The following SPTB variants were observed in gnomAD, a reference collection of about 807,000 sequenced individuals.
The protein encoded by SPTB is spectrin beta chain, erythrocytic.
Under a neutral mutation model 256.2 loss-of-function variants are expected in SPTB, and 45 were observed. That is an observed-to-expected ratio of 0.18 (90% confidence interval 0.14 to 0.23). The LOEUF (loss-of-function observed/expected upper bound fraction) is 0.23, where lower values mean the gene tolerates loss of function less well. SPTB is among the 10% of genes least tolerant of loss of function. The pLI is 1.00. For synonymous variants in SPTB, 1,231 were observed against 1,243.1 expected, an observed-to-expected ratio of 0.99 and a Z score of 0.21; for missense variants, 2,715 against 3,040.4, an observed-to-expected ratio of 0.89 and a Z score of 2.52.
At chr14:64,879,338 G>A (rs1262666232) in intron 1 of SPTB, among the ~76,000 whole-genome samples, 2 of 152,218 alleles carry the variant, frequency 1.3e-5, no homozygotes, top group African/African-American at 4.8e-5. Context: ...TTCCCCAGAA[G>A]AGGGATATGA....
chr14:64,761,416 G>T (rs2082092268), intron 32 of SPTB, among the ~76,000 whole-genome samples: 1 of 152,176 alleles, frequency 6.6e-6, no homozygotes, highest in African/African-American at 2.4e-5. Flanking sequence ...GGGAGCTGAG[G>T]CTGGGATACA....
At chr14:64,814,354 C>T (rs901639511) in intron 2 of SPTB, among the ~76,000 whole-genome samples, 1 of 152,162 alleles carries the variant, frequency 6.6e-6, no homozygotes, top group African/African-American at 2.4e-5. Context: ...AATATATACA[C>T]AGACCTATAC....
Position 64,794,575 on chromosome 14 carries a change from C to T in SPTB, c.1687G>A (p.Val563Ile). The stretch of plus-strand genomic sequence containing the variant: ...TTGTGCTTCTGTAGCAGGTCTTCAA[C>T]CTCCAACAAGTGCTTCCCAAACTCG... ...SAEFGKHLLEVEDLLQKHKLM... is the reference protein window; with the variant it reads ...SAEFGKHLLEIEDLLQKHKLM... The change falls in exon 13 of 36, where the codon GTT (valine) becomes ATT (isoleucine). Residue 563 changes from valine to isoleucine, a missense_variant. Val to Ile is a conservative substitution (Grantham distance 29). Transcript: ENST00000644917. 1 of 1,614,200 alleles carries T rather than the reference C, an allele frequency of 6.2e-7. No homozygotes were observed. The highest frequency in any genetic ancestry group is 8.5e-7 in the Non-Finnish European group (1 of 1,180,048).
chr14:64,859,714 CTCTCTCTATATA>C lies in SPTB; in HGVS notation c.-52+20066_-52+20077del, dbSNP rs749035840. 6.4e-3 allele frequency among the ~76,000 whole-genome samples: 374 copies of C among 58,716 alleles called. 3 individuals are homozygous for C. Among genetic ancestry groups the C allele is most frequent in the East Asian group, 7.6e-3 (27 of 3,564 alleles). 38.5% of individuals were successfully genotyped at this position (58,716 alleles called of 152,430 possible). On this transcript the variant is annotated intron_variant, in intron 1 of 35. Coordinates refer to ENST00000644917, the MANE Select transcript of SPTB (RefSeq NM_001355436.2). ...TCTCTGTCTCTCTCTCTCTCTCTCT[CTCTCTCTATATA>C]TATATATATATGCATATAATTAGTA...
chr14:64,753,411 T>C, intron 33 of SPTB, 126 bp downstream of exon 33: 2 of 1,453,524 alleles, frequency 1.4e-6, no homozygotes, highest in Non-Finnish European at 1.9e-6. Context: ...GTCTAGGAGC[T>C]CTCACAGGCC....
rs962122587 is a variant in SPTB at position 64,866,101 on chromosome 14, G to A, written c.-52+13691C>T. On this transcript the variant is annotated intron_variant, in intron 1 of 35. Coordinates refer to ENST00000644917, the MANE Select transcript of SPTB (RefSeq NM_001355436.2). The surrounding 1 kb of genome is among the most constrained non-coding windows in gnomAD (Gnocchi z 4.6). The stretch of plus-strand genomic sequence containing the variant: ...AGTAAAACATCTATGAAATGAATAA[G>A]ACTGTTCACTCAAAGAGCATGCAGT... Among the ~76,000 whole-genome samples the A allele has an allele frequency of 6.6e-6, 1 of 152,170 alleles. No individual in the cohort carries two copies. The highest frequency in any genetic ancestry group is 1.5e-5 in the Non-Finnish European group (1 of 68,030).
At chr14:64,774,249 C>T in intron 24 of SPTB, 148 bp downstream of exon 24, 1 of 1,094,520 alleles carries the variant, frequency 9.1e-7, no homozygotes, top group Non-Finnish European at 1.3e-6. Flanking sequence ...GAAATTGGAT[C>T]CATCACCAGT....
Position 64,779,361 on chromosome 14 carries a change from C to T in SPTB, c.4474-115G>A. On this transcript the variant is annotated intron_variant, in intron 21 of 35. Coordinates refer to ENST00000644917, the MANE Select transcript of SPTB (RefSeq NM_001355436.2). This position sits in a 1 kb window ranked among gnomAD's most constrained non-coding sequence, Gnocchi z 4.2. ...GCAGTGTCTCCCCAGTTCCTCCCAA[C>T]ACCCCATCAGGGTTTTGCCCCCATT... The T allele has an allele frequency of 1.2e-6, 1 of 867,476 alleles. No homozygotes were observed. The highest frequency in any genetic ancestry group is 1.4e-5 in the South Asian group (1 of 69,524). The allele number at this position is 867,476 out of a possible 1,614,324, so 53.7% of individuals were successfully genotyped here.
rs112999036 is a variant in SPTB, at chr14:64,808,004, C to T, written c.149-2914G>A. 3.0e-3 allele frequency among the ~76,000 whole-genome samples: 460 copies of T among 152,356 alleles called. 4 individuals are homozygous for T. The highest frequency in any genetic ancestry group is 0.011 in the African/African-American group (450 of 41,590). On this transcript the variant is annotated intron_variant, in intron 2 of 35. Coordinates refer to ENST00000644917, the MANE Select transcript of SPTB (RefSeq NM_001355436.2). ...CTCTGCTGCCATCAAACCCCGGCATCTCATTCCTCTCTGTTCCTCTTTTCT... is the reference window on the plus strand; with the variant it reads ...CTCTGCTGCCATCAAACCCCGGCATTTCATTCCTCTCTGTTCCTCTTTTCT...
At chr14:64,755,096 C>T (rs2082002330) in intron 32 of SPTB, 1 of 152,286 alleles carries the variant, frequency 6.6e-6, no homozygotes, top group Non-Finnish European at 1.5e-5. Context: ...TTTCTGCTCC[C>T]TCCTCCCTGC....
intron 32 of SPTB, chr14:64,766,430 T>G: frequency 3.6e-6 from 5 of 1,405,360 alleles, no homozygotes; most frequent in Non-Finnish European, 4.6e-6. Context: ...TGGTGATATA[T>G]TTATACAATA....
chr14:64,795,367 C>G lies in SPTB; in HGVS notation c.1614G>C (p.Leu538=). The change falls in exon 12 of 36, where the codon CTG becomes CTC. Residue 538 remains leucine, a synonymous_variant. Transcript: ENST00000644917. This position sits in a 1 kb window ranked among gnomAD's most constrained non-coding sequence, Gnocchi z 6.5. ...TCTCATCCATCCAGTCGATGCTGTG[C>G]AGCATGTCCTGGAAGAGCTTCTGCA... The part of the protein sequence containing the change: ...LALQKLFQDM[L]HSIDWMDEIK... The G allele has an allele frequency of 1.2e-6, 2 of 1,612,692 alleles. No individual in the cohort carries two copies. Among genetic ancestry groups the G allele is most frequent in the Non-Finnish European group, 1.7e-6 (2 of 1,180,022 alleles).
At chr14:64,782,817 TAAAA>T (rs58435859) in intron 19 of SPTB, among the ~76,000 whole-genome samples, 1 of 123,096 alleles carries the variant, frequency 8.1e-6, no homozygotes. Flanking sequence ...GTTGATGAGT[TAAAA>T]AAAAAAAAAA....
In SPTB at chr14:64,749,175, G is replaced by A. The variant is rs1173460223; in HGVS notation, c.*131C>T. 2 of 1,123,344 alleles carry A rather than the reference G, an allele frequency of 1.8e-6. No individual in the cohort carries two copies. The highest frequency in any genetic ancestry group is 2.5e-6 in the Non-Finnish European group (2 of 797,366). The allele number at this position is 1,123,344 out of a possible 1,614,324, so 69.6% of individuals were successfully genotyped here. A position where few individuals can be genotyped will look rare whatever the true frequency, so the allele number is the denominator to read the frequency against. On this transcript the variant is annotated 3_prime_UTR_variant, in exon 36 of 36. Transcript: ENST00000644917. The surrounding 1 kb of genome is among the most constrained non-coding windows in gnomAD (Gnocchi z 4.7). Reference sequence around the variant, plus strand: ...GAAGGCAGCTTTTGCAGTGCAGCGTGGGGCCCGGGGGCCCGGCCCGCGACT... The same window carrying A: ...GAAGGCAGCTTTTGCAGTGCAGCGTAGGGCCCGGGGGCCCGGCCCGCGACT...
chr14:64,803,492 C>T (rs1027155126), intron 4 of SPTB, 115 bp downstream of exon 4: 112 of 1,309,454 alleles, frequency 8.6e-5, no homozygotes, highest in Non-Finnish European at 9.3e-5. Flanking sequence ...GGCAGATTTA[C>T]AGCCTTCCCA....
At chr14:64,834,711 C>T (rs990328770) in intron 1 of SPTB, among the ~76,000 whole-genome samples, 4 of 152,172 alleles carry the variant, frequency 2.6e-5, no homozygotes, top group Non-Finnish European at 5.9e-5. Flanking sequence ...AGGCATGAGC[C>T]ACCGTGCCTG....
intron 32 of SPTB, chr14:64,756,618 C>T (rs1264750815): frequency 6.6e-6 from 1 of 152,166 alleles, no homozygotes; most frequent in Non-Finnish European, 1.5e-5. Context: ...CTTCAGTAAA[C>T]CTTTTGCTTA....
At position 64,749,735 on chromosome 14, in the gene SPTB, T is replaced by TGGAG. The variant is rs775546017; in HGVS notation, c.6777-43_6777-40dup. The TGGAG allele has an allele frequency of 6.2e-6, 10 of 1,608,562 alleles. No homozygotes were observed. The South Asian group carries it at 1.1e-4, about 18-fold the overall frequency. ...GGGTTTCCTGTCATGGAGACACCTC[T>TGGAG]GGAGGGGGCGCTGGGCAGAGGGCTG... is the stretch of plus-strand genomic sequence containing the variant. On this transcript the variant is annotated intron_variant, in intron 34 of 35. Coordinates refer to ENST00000644917, the MANE Select transcript of SPTB (RefSeq NM_001355436.2). This position sits in a 1 kb window ranked among gnomAD's most constrained non-coding sequence, Gnocchi z 4.7.
chr14:64,796,549 C>A lies in SPTB; in HGVS notation c.1341+8G>T. On this transcript the variant is annotated splice_region_variant and intron_variant, in intron 11 of 35. Coordinates refer to ENST00000644917, the MANE Select transcript of SPTB (RefSeq NM_001355436.2). The surrounding 1 kb of genome is among the most constrained non-coding windows in gnomAD (Gnocchi z 4.1). ...CTCTCCTGTCACCCAAAGCATGTCC[C>A]TCATTACCTGGGCCACGAGGCGCTG... The A allele has an allele frequency of 6.2e-7, 1 of 1,614,184 alleles. No individual in the cohort carries two copies. The highest frequency in any genetic ancestry group is 1.1e-5 in the South Asian group (1 of 91,076).
Sources: allele counts gnomAD v4.1 joint callset (sites outside exome capture counted in the v4.1 genomes callset), GRCh38; gene constraint gnomAD v4.1.1; non-coding constraint Gnocchi (gnomAD v3.1); transcripts MANE v1.5; gene names NCBI Gene and HGNC (gene_info 2026-07-23, HGNC 2026-07-21).